LRMDA: variants seen among roughly 807,000 people sequenced by gnomAD.
LRMDA encodes leucine-rich melanocyte differentiation-associated protein.
In LRMDA, 18 loss-of-function variants were observed where a neutral mutation model predicts 29.8. That is an observed-to-expected ratio of 0.60 (90% CI 0.42 to 0.90). LRMDA has a LOEUF of 0.90. Among genes scored for constraint, LRMDA ranks in the 40% least tolerant of loss-of-function variants. The probability of loss-of-function intolerance (pLI) is 0.00; values close to 1 mark genes in which losing one functional copy is unlikely to be tolerated. For synonymous variants in LRMDA, 125 were observed against 109.4 expected, an observed-to-expected ratio of 1.14 and a Z score of -0.89; for missense variants, 273 against 273.9, an observed-to-expected ratio of 1.00 and a Z score of 0.02.
intron 5 of LRMDA, among the ~76,000 whole-genome samples, chr10:76,210,795 T>C (rs1018865084): frequency 1.3e-5 from 2 of 152,228 alleles, no homozygotes; most frequent in Admixed American, 6.5e-5. Context: ...TAGACCTTAA[T>C]GGTTATCAAA....
chr10:76,146,781 T>G lies in LRMDA; in HGVS notation c.516+87998T>G, dbSNP rs531621160. Among the ~76,000 whole-genome samples the G allele has an allele frequency of 2.0e-3, 304 of 152,324 alleles. 2 individuals are homozygous for G. The highest frequency in any genetic ancestry group is 7.1e-3 in the African/African-American group (296 of 41,576). On this transcript the variant is annotated intron_variant, in intron 5 of 6. Transcript: ENST00000611255. ...AGTTGATGCAGTTTCTTCCTAGCCT[T>G]GATAGTCTTTACAATTTGGCATGTT... is the stretch of plus-strand genomic sequence containing the variant.
chr10:76,254,300 T>TATACTATACTATACTATACCATACC (rs66939986), intron 5 of LRMDA, among the ~76,000 whole-genome samples: 10 of 90,626 alleles, frequency 1.1e-4, no homozygotes, highest in Non-Finnish European at 2.1e-4. Context: ...TATACTATAC[T>TATACTATACTATACTATACCATACC]ATACCATACC....
At chr10:75,474,767 A>G (rs896687917) in intron 2 of LRMDA, among the ~76,000 whole-genome samples, 12 of 152,148 alleles carry the variant, frequency 7.9e-5, no homozygotes, top group Admixed American at 5.2e-4. Context: ...TGGCCCCTTC[A>G]GTGGGTTGTA....
At chr10:76,545,674 G>A (rs75778381) in intron 6 of LRMDA, among the ~76,000 whole-genome samples, 76 of 70,942 alleles carry the variant, frequency 1.1e-3, no homozygotes, top group East Asian at 3.0e-3. Flanking sequence ...TATTATTATT[G>A]TTATTATTTA....
intron 2 of LRMDA, among the ~76,000 whole-genome samples, chr10:75,997,516 C>G (rs904771982): frequency 5.3e-5 from 8 of 150,294 alleles, no homozygotes; most frequent in African/African-American, 2.0e-4. Flanking sequence ...ATCCTAAAGA[C>G]AAACTCTTAG....
intron 6 of LRMDA, among the ~76,000 whole-genome samples, 200 bp downstream of exon 6, chr10:76,324,685 G>A (rs1840813439): frequency 6.6e-6 from 1 of 151,882 alleles, no homozygotes; most frequent in South Asian, 2.1e-4. Flanking sequence ...TATTCAGGAG[G>A]CAAATAAATC....
chr10:76,056,711 A>G (rs1308541237), intron 4 of LRMDA, among the ~76,000 whole-genome samples: 1 of 152,208 alleles, frequency 6.6e-6, no homozygotes, highest in Non-Finnish European at 1.5e-5. Context: ...TGGAGTGGGC[A>G]TTGGGAGTCG....
intron 6 of LRMDA, among the ~76,000 whole-genome samples, chr10:76,344,036 G>C (rs1273183138): frequency 6.6e-6 from 1 of 151,812 alleles, no homozygotes; most frequent in Non-Finnish European, 1.5e-5. Flanking sequence ...TGGCCAAGCT[G>C]GTCTTGAACT....
chr10:75,728,957 G>A (rs1842663496), intron 2 of LRMDA, among the ~76,000 whole-genome samples: 1 of 152,090 alleles, frequency 6.6e-6, no homozygotes, highest in Non-Finnish European at 1.5e-5. Context: ...TCTCCTCTGT[G>A]CCTCTGCACA....
At chr10:76,504,379 T>C (rs1476391256) in intron 6 of LRMDA, among the ~76,000 whole-genome samples, 5 of 152,046 alleles carry the variant, frequency 3.3e-5, no homozygotes, top group African/African-American at 1.2e-4. Context: ...ATCCATAATT[T>C]TTTTGTTCAT....
chr10:76,146,888 C>T (rs984348495), intron 5 of LRMDA, among the ~76,000 whole-genome samples: 1 of 152,186 alleles, frequency 6.6e-6, no homozygotes, highest in Non-Finnish European at 1.5e-5. Context: ...CTGCTGGTGA[C>T]AAAATCTCTC....
chr10:76,400,504 C>A (rs1354077656), intron 6 of LRMDA, among the ~76,000 whole-genome samples: 1 of 152,218 alleles, frequency 6.6e-6, no homozygotes, highest in Admixed American at 6.5e-5. Flanking sequence ...CAATATCAGT[C>A]TTTTGCTCAG....
chr10:76,281,810 ATT>A (rs1840209843), intron 5 of LRMDA, among the ~76,000 whole-genome samples: 1 of 152,062 alleles, frequency 6.6e-6, no homozygotes. Flanking sequence ...AAGCATCCTG[ATT>A]TTTTGTGTGT....
chr10:76,120,383 T>G (rs1248448551), intron 5 of LRMDA, among the ~76,000 whole-genome samples: 1 of 152,016 alleles, frequency 6.6e-6, no homozygotes, highest in Non-Finnish European at 1.5e-5. Flanking sequence ...AGACAGGATT[T>G]TGCCATGTTG....
intron 5 of LRMDA, among the ~76,000 whole-genome samples, chr10:76,151,874 T>G (rs543681218): frequency 3.3e-5 from 5 of 152,300 alleles, no homozygotes; most frequent in Admixed American, 2.6e-4. Context: ...TTTATTGCTT[T>G]TTCTTATCTT....
rs147642696 is a variant in LRMDA, at chr10:75,457,378, G to A, written c.131+18884G>A. ...ATGAAAAGGGGACAACCCCTACAGCGTAGTGGTGATTCTGGGATGTAGAAG... is the reference window on the plus strand; with the variant it reads ...ATGAAAAGGGGACAACCCCTACAGCATAGTGGTGATTCTGGGATGTAGAAG... On this transcript the variant is annotated intron_variant, in intron 2 of 6. Transcript: ENST00000611255. Among the ~76,000 whole-genome samples, 38 of 152,334 alleles carry A rather than the reference G, an allele frequency of 2.5e-4. 1 individual carries two copies. Among genetic ancestry groups the A allele is most frequent in the Middle Eastern group, 3.4e-3 (1 of 292 alleles).
At chr10:76,298,736 T>G (rs1000634853) in intron 5 of LRMDA, among the ~76,000 whole-genome samples, 7 of 152,200 alleles carry the variant, frequency 4.6e-5, no homozygotes, top group African/African-American at 1.7e-4. Flanking sequence ...CTTTCTAGAA[T>G]TCTTTCTTCC....
At chr10:76,112,361 T>C (rs1272411845) in intron 5 of LRMDA, among the ~76,000 whole-genome samples, 1 of 152,172 alleles carries the variant, frequency 6.6e-6, no homozygotes, top group Non-Finnish European at 1.5e-5. Flanking sequence ...CTAAGTGAGA[T>C]CTGTGGCCAG....
Position 76,557,621 on chromosome 10 carries a change from A to G in LRMDA, c.*333A>G. On this transcript the variant is annotated 3_prime_UTR_variant, in exon 7 of 7. Transcript: ENST00000611255. The stretch of plus-strand genomic sequence containing the variant: ...CCTGCCACTGCTCACAGGGGAGCAG[A>G]GGTCACACCTGGGGCCTCCCTGGAC... The G allele has an allele frequency of 3.1e-6, 1 of 324,732 alleles. No individual in the cohort carries two copies. Among genetic ancestry groups the G allele is most frequent in the South Asian group, 4.6e-5 (1 of 21,884 alleles). The allele number at this position is 324,732 out of a possible 1,614,324, so 20.1% of individuals were successfully genotyped here. A position where few individuals can be genotyped will look rare whatever the true frequency, so the allele number is the denominator to read the frequency against.
Sources: allele counts gnomAD v4.1 joint callset (sites outside exome capture counted in the v4.1 genomes callset), GRCh38; gene constraint gnomAD v4.1.1; transcripts MANE v1.5; gene names NCBI Gene and HGNC (gene_info 2026-07-23, HGNC 2026-07-21).